Variants in PALM2AKAP2 observed in about 807,000 individuals in gnomAD.
PALM2AKAP2 encodes PALM2 and AKAP2 fusion.
PALM2AKAP2 carries 37 observed loss-of-function variants against 71.5 expected under a neutral mutation model. The observed-to-expected ratio is 0.52, with a 90% CI of 0.40 to 0.68. The LOEUF is 0.68. Among genes scored for constraint, PALM2AKAP2 ranks in the 30% least tolerant of loss-of-function variants. The pLI is 0.00. For missense variants in PALM2AKAP2, 1,224 were observed against 1,191.8 expected (o/e 1.03, Z -0.40); for synonymous variants, 468 against 478.8 (o/e 0.98, Z 0.29).
At chr9:109,888,346 C>T (rs1389250481) in intron 3 of PALM2AKAP2, among the ~76,000 whole-genome samples, 3 of 152,110 alleles carry the variant, frequency 2.0e-5, no homozygotes, top group African/African-American at 7.2e-5. Flanking sequence ...ACCCACCTTG[C>T]AGTGCTGTTG....
intron 7 of PALM2AKAP2, among the ~76,000 whole-genome samples, chr9:110,023,503 G>A (rs567817653): frequency 2.6e-5 from 4 of 151,560 alleles, no homozygotes; most frequent in South Asian, 2.1e-4. Context: ...TAGTAGAGAC[G>A]GGGTTTCTCC....
chr9:110,056,227 G>A (rs533578113), intron 1 of PALM2AKAP2, among the ~76,000 whole-genome samples: 17 of 152,302 alleles, frequency 1.1e-4, no homozygotes, highest in African/African-American at 2.9e-4. Flanking sequence ...TTAACTGACC[G>A]TTTTCAGCCC....
At chr9:109,830,478 C>A (rs905928000) in intron 1 of PALM2AKAP2, among the ~76,000 whole-genome samples, 5 of 152,192 alleles carry the variant, frequency 3.3e-5, no homozygotes, top group Non-Finnish European at 5.9e-5. Context: ...CTAGGTCCAA[C>A]TGCCAACATA....
At chr9:109,902,598 C>G (rs1359825241) in intron 3 of PALM2AKAP2, among the ~76,000 whole-genome samples, 2 of 152,228 alleles carry the variant, frequency 1.3e-5, no homozygotes, top group African/African-American at 4.8e-5. Context: ...TTTGTAAGTG[C>G]TACTTCTGTT....
chr9:109,656,405 T>C (rs1384872723), intron 1 of PALM2AKAP2, among the ~76,000 whole-genome samples: 1 of 152,172 alleles, frequency 6.6e-6, no homozygotes, highest in Non-Finnish European at 1.5e-5. Context: ...TATCTTCCTT[T>C]TGCAAACTTT....
At chr9:109,824,115 C>G (rs1287731369) in intron 1 of PALM2AKAP2, among the ~76,000 whole-genome samples, 1 of 152,092 alleles carries the variant, frequency 6.6e-6, no homozygotes, top group Non-Finnish European at 1.5e-5. Context: ...TCTCAAACTC[C>G]TAGGCTCAAG....
At chr9:109,970,485 G>T (rs1832044971) in intron 6 of PALM2AKAP2, among the ~76,000 whole-genome samples, 1 of 152,156 alleles carries the variant, frequency 6.6e-6, no homozygotes, top group South Asian at 2.1e-4. Context: ...TCTTCAAGGG[G>T]TTAGGGTAGA....
chr9:109,683,766 C>T (rs1827770983), intron 1 of PALM2AKAP2, among the ~76,000 whole-genome samples: 1 of 152,002 alleles, frequency 6.6e-6, no homozygotes, highest in Non-Finnish European at 1.5e-5. Flanking sequence ...AGCTATGATG[C>T]TGGTAGGTTA....
intron 1 of PALM2AKAP2, among the ~76,000 whole-genome samples, chr9:109,766,911 G>A (rs1564140068): frequency 6.6e-6 from 1 of 152,158 alleles, no homozygotes; most frequent in Non-Finnish European, 1.5e-5. Flanking sequence ...CCAGAGCCTT[G>A]CAGTGCCAGT....
chr9:109,654,385 T>C (rs941007279), intron 1 of PALM2AKAP2, among the ~76,000 whole-genome samples: 3 of 152,220 alleles, frequency 2.0e-5, no homozygotes, highest in Non-Finnish European at 4.4e-5. Context: ...TTATGTGAGA[T>C]GAGAATTATC....
chr9:109,667,085 A>G (rs1827496889), intron 1 of PALM2AKAP2, among the ~76,000 whole-genome samples: 1 of 152,186 alleles, frequency 6.6e-6, no homozygotes, highest in Non-Finnish European at 1.5e-5. Context: ...TCAAGGACCC[A>G]CAGCTGGAAT....
chr9:109,862,341 A>G (rs184480141), intron 1 of PALM2AKAP2, among the ~76,000 whole-genome samples: 6 of 152,240 alleles, frequency 3.9e-5, no homozygotes, highest in Admixed American at 3.9e-4. Flanking sequence ...TAGATCTGGG[A>G]CTCAAACAAT....
upstream of PALM2AKAP2, chr9:109,780,368 C>G (rs1354706422): frequency 2.2e-5 from 35 of 1,587,456 alleles, no homozygotes; most frequent in Middle Eastern, 2.3e-4. Flanking sequence ...GATCCCCAGC[C>G]GTCCCTGGGC....
chr9:110,114,214 C>T (rs1050199456), intron 1 of PALM2AKAP2, among the ~76,000 whole-genome samples: 2 of 152,176 alleles, frequency 1.3e-5, no homozygotes, highest in Non-Finnish European at 2.9e-5. Context: ...CCTAGCTTCT[C>T]GTGGTTGCTA....
At chr9:109,664,790 A>G (rs1156922738) in intron 1 of PALM2AKAP2, among the ~76,000 whole-genome samples, 1 of 152,210 alleles carries the variant, frequency 6.6e-6, no homozygotes, top group Non-Finnish European at 1.5e-5. Flanking sequence ...GTGTTTTACA[A>G]CTTGGTTCCA....
At chr9:109,730,601 T>A (rs566349746) in intron 1 of PALM2AKAP2, among the ~76,000 whole-genome samples, 1 of 152,356 alleles carries the variant, frequency 6.6e-6, no homozygotes, top group South Asian at 2.1e-4. Flanking sequence ...GTAGTGTACT[T>A]CTGACAGTTT....
intron 1 of PALM2AKAP2, among the ~76,000 whole-genome samples, chr9:110,119,085 C>G (rs918783683): frequency 6.6e-6 from 1 of 151,958 alleles, no homozygotes; most frequent in Non-Finnish European, 1.5e-5. Context: ...TGGTTCACGC[C>G]TGTAATCCCA....
chr9:109,819,486 T>C (rs1179242877), intron 1 of PALM2AKAP2, among the ~76,000 whole-genome samples: 1 of 152,172 alleles, frequency 6.6e-6, no homozygotes, highest in African/African-American at 2.4e-5. Context: ...GGTTAGGGAA[T>C]GAGATTTTGA....
chr9:109,821,090 A>G (rs540700172), intron 1 of PALM2AKAP2, among the ~76,000 whole-genome samples: 1 of 152,298 alleles, frequency 6.6e-6, no homozygotes, highest in South Asian at 2.1e-4. Flanking sequence ...CCCTGTCCCC[A>G]TACCAGGCAT....
Sources: gnomAD v4.1 joint callset for allele counts (sites outside exome capture counted in the v4.1 genomes callset) on GRCh38, gnomAD v4.1.1 for gene constraint, MANE v1.5 for transcripts, NCBI Gene and HGNC (gene_info 2026-07-23, HGNC 2026-07-21) for gene names.